SLC13A4: variants seen among roughly 807,000 people sequenced by gnomAD.
SLC13A4 encodes solute carrier family 13 member 4, also known as Na(+)/sulfate cotransporter SUT-1.
SLC13A4 carries 28 observed loss-of-function variants against 72.7 expected under a neutral mutation model. The observed-to-expected ratio is 0.39, with a 90% CI of 0.29 to 0.53. SLC13A4 has a LOEUF of 0.53. Among genes scored for constraint, SLC13A4 ranks in the 20% least tolerant of loss-of-function variants. The pLI, the probability that SLC13A4 is intolerant of heterozygous loss-of-function variation, is 0.78. For synonymous variants in SLC13A4, 312 were observed against 325.5 expected, an observed-to-expected ratio of 0.96 and a Z score of 0.45; for missense variants, 653 against 788.0, an observed-to-expected ratio of 0.83 and a Z score of 2.05.
chr7:135,715,413 GTGTA>G lies in SLC13A4; in HGVS notation c.228+5978_228+5981del, dbSNP rs1009154052. 2.0e-4 allele frequency among the ~76,000 whole-genome samples: 20 copies of G among 99,458 alleles called. No homozygotes were observed. In the Admixed American group the frequency reaches 2.3e-3, roughly 11 times the overall value. 65.2% of individuals were successfully genotyped at this position (99,458 alleles called of 152,430 possible). A position where few individuals can be genotyped will look rare whatever the true frequency, so the allele number is the denominator to read the frequency against. On this transcript the variant is annotated intron_variant, in intron 2 of 15. Coordinates refer to ENST00000682651, the MANE Select transcript of SLC13A4 (RefSeq NM_001318192.2). ...TGTGTGAACATGTGTGTATGAGTGT[GTGTA>G]TGAGTGTGTGAGCGTGTGTATGAGT...
At chr7:135,688,175 C>T (rs1795683735) in intron 13 of SLC13A4, among the ~76,000 whole-genome samples, 1 of 151,784 alleles carries the variant, frequency 6.6e-6, no homozygotes. Flanking sequence ...GAGGTTTCAC[C>T]ATGTTGGCCA....
rs1240418013 is a variant in SLC13A4 at position 135,715,508 on chromosome 7, TGTATGTGA to T, written c.228+5879_228+5886del. 3.4e-5 allele frequency among the ~76,000 whole-genome samples: 5 copies of T among 146,784 alleles called. 1 individual carries two copies. Among genetic ancestry groups the T allele is most frequent in the Admixed American group, 2.1e-4 (3 of 14,286 alleles). ...ATGTATGAGTGGGTGTGTAGGAGTGTGTATGTGAGTGTGTGAGTGTGTGCCAGTGTGTG... is the reference window on the plus strand; with the variant it reads ...ATGTATGAGTGGGTGTGTAGGAGTGTGTGTGTGAGTGTGTGCCAGTGTGTG... On this transcript the variant is annotated intron_variant, in intron 2 of 15. Transcript: ENST00000682651.
chr7:135,684,121 C>T lies in SLC13A4; in HGVS notation c.1746+3G>A. 4 of 1,600,490 alleles carry T rather than the reference C, an allele frequency of 2.5e-6. No homozygotes were observed. The South Asian group carries it at 4.5e-5, about 18-fold the overall frequency. ...CTGGCAGGGAGAGGGCACCCCAACTCACCATATCTTTGATCTGGCAGTGCC... is the reference window on the plus strand; with the variant it reads ...CTGGCAGGGAGAGGGCACCCCAACTTACCATATCTTTGATCTGGCAGTGCC... On this transcript the variant is annotated splice_donor_region_variant and intron_variant, in intron 15 of 15. Transcript: ENST00000682651.
At chr7:135,694,706 C>T (rs934422254) in intron 9 of SLC13A4, among the ~76,000 whole-genome samples, 3 of 152,194 alleles carry the variant, frequency 2.0e-5, no homozygotes, top group African/African-American at 4.8e-5. Context: ...GTATATGGAA[C>T]ACACAGTGTT....
rs919583948 is a variant in SLC13A4 at position 135,696,316 on chromosome 7, G to T, written c.900-829C>A. 3.3e-5 allele frequency among the ~76,000 whole-genome samples: 5 copies of T among 152,122 alleles called. No individual in the cohort carries two copies. The South Asian group carries it at 1.0e-3, about 32-fold the overall frequency. ...AAATGTCTCCCATCTTGAAAACTCC[G>T]TCTTGACCCTGCTCTACTTTCCTTT... On this transcript the variant is annotated intron_variant, in intron 8 of 15. Transcript: ENST00000682651.
intron 9 of SLC13A4, 73 bp downstream of exon 9, chr7:135,695,295 C>T: frequency 6.3e-7 from 1 of 1,597,814 alleles, no homozygotes; most frequent in South Asian, 1.1e-5. Flanking sequence ...ACAGAGCCAT[C>T]CAGGGCCCAT....
rs1795497161 is a variant in SLC13A4 at position 135,681,423 on chromosome 7, A to G, written c.*140T>C. 1.9e-6 allele frequency: 2 copies of G among 1,038,050 alleles called. No individual in the cohort carries two copies. The highest frequency in any genetic ancestry group is 2.5e-5 in the East Asian group (1 of 40,498). The allele number at this position is 1,038,050 out of a possible 1,614,324, so 64.3% of individuals were successfully genotyped here. On this transcript the variant is annotated 3_prime_UTR_variant, in exon 16 of 16. Transcript: ENST00000682651. ...CCTGCAGTTCACTTGAGGTGGCGGA[A>G]TCTTCTGGTGGAGGGATGCCCTCCG...
intron 1 of SLC13A4, among the ~76,000 whole-genome samples, chr7:135,723,669 T>C (rs1426194240): frequency 6.6e-6 from 1 of 152,128 alleles, no homozygotes; most frequent in Non-Finnish European, 1.5e-5. Context: ...CCTCAAACTC[T>C]TGCATAAAAG....
Position 135,684,176 on chromosome 7 carries a change from T to A in SLC13A4, c.1694A>T (p.Asn565Ile). ...GCTGAAGACGATGGCATTAGGGGGA[T>A]TGCCCACAGGCAGCATCACTGCAAA... The part of the protein sequence containing the change: ...ISFAVMLPVG[N>I]PPNAIVFSYG... Residue 565 changes from asparagine to isoleucine, a missense_variant, in exon 15 of 16, where the codon AAT (asparagine) becomes ATT (isoleucine). Transcript: ENST00000682651. The A allele has an allele frequency of 3.1e-6, 5 of 1,613,048 alleles. No homozygotes were observed. The highest frequency in any genetic ancestry group is 4.2e-6 in the Non-Finnish European group (5 of 1,179,426).
chr7:135,695,325 C>T (rs763145716), intron 9 of SLC13A4, 43 bp downstream of exon 9: 14 of 1,611,136 alleles, frequency 8.7e-6, no homozygotes, highest in African/African-American at 1.3e-5. Context: ...TTTGGATCAA[C>T]AGGGGGGCTT....
At chr7:135,713,249 G>A (rs745907669) in intron 2 of SLC13A4, among the ~76,000 whole-genome samples, 4 of 152,182 alleles carry the variant, frequency 2.6e-5, no homozygotes, top group Non-Finnish European at 4.4e-5. Context: ...TTTGCATGGT[G>A]GTTTGATTGC....
At chr7:135,685,115 C>G (rs1795591909) in intron 14 of SLC13A4, among the ~76,000 whole-genome samples, 1 of 152,172 alleles carries the variant, frequency 6.6e-6, no homozygotes, top group Admixed American at 6.5e-5. Context: ...GTCTTTTCAG[C>G]TGTGTGTGTT....
intron 8 of SLC13A4, among the ~76,000 whole-genome samples, chr7:135,697,851 CTT>C (rs1795938220): frequency 6.6e-6 from 1 of 152,102 alleles, no homozygotes; most frequent in Non-Finnish European, 1.5e-5. Context: ...GCTAATCTCT[CTT>C]AATCTAGCTT....
chr7:135,692,030 G>T, intron 11 of SLC13A4: 1 of 452,116 alleles, frequency 2.2e-6, no homozygotes, highest in Non-Finnish European at 3.9e-6. Context: ...CTTCTTTACA[G>T]TTGGTACTTT....
chr7:135,711,192 C>T (rs1796292711), intron 2 of SLC13A4, among the ~76,000 whole-genome samples: 1 of 152,178 alleles, frequency 6.6e-6, no homozygotes, highest in Admixed American at 6.5e-5. Flanking sequence ...ACAGAAGATG[C>T]GGGACCGTTG....
At chr7:135,720,231 A>G (rs550799155) in intron 2 of SLC13A4, among the ~76,000 whole-genome samples, 1 of 152,310 alleles carries the variant, frequency 6.6e-6, no homozygotes, top group African/African-American at 2.4e-5. Flanking sequence ...ATGAAGCCAC[A>G]TACCACTTTA....
intron 2 of SLC13A4, among the ~76,000 whole-genome samples, chr7:135,715,093 G>GTATGTGTGTGAGCGTGTATGAGTT: frequency 6.6e-6 from 1 of 151,618 alleles, no homozygotes; most frequent in African/African-American, 2.4e-5. Flanking sequence ...GTGTATAAGT[G>GTATGTGTGTGAGCGTGTATGAGTT]TATGTGTGTG....
At position 135,706,037 on chromosome 7, in the gene SLC13A4, A is replaced by G. The variant is rs746154106; in HGVS notation, c.538+91T>C. ...GCTGAGGGGGTCCTGGGGTGGGCAC[A>G]AAGTTGGGCAGTCTCCCTAGAGGAG... On this transcript the variant is annotated intron_variant, in intron 4 of 15. Transcript: ENST00000682651. 166 of 1,336,426 alleles carry G rather than the reference A, an allele frequency of 1.2e-4. 1 individual carries two copies. The highest frequency in any genetic ancestry group is 1.7e-4 in the Non-Finnish European group (163 of 979,026). The allele number at this position is 1,336,426 out of a possible 1,614,324, so 82.8% of individuals were successfully genotyped here. A position where few individuals can be genotyped will look rare whatever the true frequency, so the allele number is the denominator to read the frequency against.
rs535749594 is a variant in SLC13A4, at chr7:135,719,780, C to CGTGTGTGT, written c.228+1614_228+1615insACACACAC. The stretch of plus-strand genomic sequence containing the variant: ...CTGAGGCTATGGCTACTCAATGCCA[C>CGTGTGTGT]ATGTGTGTGTGTGTGTGTGTGTATG... On this transcript the variant is annotated intron_variant, in intron 2 of 15. Transcript: ENST00000682651. Among the ~76,000 whole-genome samples the CGTGTGTGT allele has an allele frequency of 8.7e-5, 12 of 138,632 alleles. No homozygotes were observed. In the South Asian group the frequency reaches 9.8e-4, roughly 11 times the overall value. The allele number at this position is 138,632 out of a possible 152,430, so 90.9% of individuals were successfully genotyped here. A position where few individuals can be genotyped will look rare whatever the true frequency, so the allele number is the denominator to read the frequency against.
Sources: allele counts gnomAD v4.1 joint callset (sites outside exome capture counted in the v4.1 genomes callset), GRCh38; gene constraint gnomAD v4.1.1; transcripts MANE v1.5; gene names NCBI Gene and HGNC (gene_info 2026-07-23, HGNC 2026-07-21).